TGFBR3: variants seen among roughly 807,000 people sequenced by gnomAD.
TGFBR3 encodes transforming growth factor beta receptor 3.
Under a neutral mutation model 87.9 loss-of-function variants are expected in TGFBR3, and 46 were observed. That is an observed-to-expected ratio of 0.52 (90% CI 0.41 to 0.67). The LOEUF (loss-of-function observed/expected upper bound fraction) is 0.67. Among genes scored for constraint, TGFBR3 ranks in the 30% least tolerant of loss-of-function variants. The probability of loss-of-function intolerance (pLI) is 0.00; values close to 1 mark genes in which losing one functional copy is unlikely to be tolerated. For missense variants in TGFBR3, 866 were observed against 1,041.9 expected, an observed-to-expected ratio of 0.83 and a Z score of 2.32; for synonymous variants, 381 against 391.6, an observed-to-expected ratio of 0.97 and a Z score of 0.32.
At position 91,838,765 on chromosome 1, in the gene TGFBR3, G is replaced by A. The variant is rs550634052; in HGVS notation, c.61+22706C>T. Among the ~76,000 whole-genome samples the A allele has an allele frequency of 2.3e-4, 35 of 152,004 alleles. No individual in the cohort carries two copies. In the East Asian group the frequency reaches 3.3e-3, roughly 14 times the overall value. On this transcript the variant is annotated intron_variant, in intron 2 of 16. Coordinates refer to ENST00000212355, the MANE Select transcript of TGFBR3 (RefSeq NM_003243.5). Reference sequence around the variant, plus strand: ...ATTACAGGCGTGAGCCACCGCGCCCGGCCGCAAATCTCTTTTCTTGTTAAA... The same window carrying A: ...ATTACAGGCGTGAGCCACCGCGCCCAGCCGCAAATCTCTTTTCTTGTTAAA...
chr1:91,733,989 C>T (rs6604051), intron 5 of TGFBR3, among the ~76,000 whole-genome samples: 53,806 of 140,722 alleles, frequency 0.38, 10,454 homozygotes, highest in African/African-American at 0.52. Context: ...GAGCACTGAT[C>T]GCACCACTGC....
At position 91,708,680 on chromosome 1, in the gene TGFBR3, T is replaced by C. The variant is rs755273380; in HGVS notation, c.2270A>G (p.His757Arg). 9.3e-6 allele frequency: 15 copies of C among 1,613,986 alleles called. No homozygotes were observed. In the Admixed American group the frequency reaches 2.2e-4, roughly 23 times the overall value. The change falls in exon 14 of 17, where the codon CAT (histidine) becomes CGT (arginine). Residue 757 changes from histidine (H) to arginine (R), a missense_variant. Coordinates refer to ENST00000212355, the MANE Select transcript of TGFBR3 (RefSeq NM_003243.5). ...TFTKPLAVIH[H>R]EAESKEKGPS... ...AAGCACACCTTTAGATTCTGCTTCA[T>C]GGTGGATCACAGCAAGGGGCTTAGT... is the stretch of plus-strand genomic sequence containing the variant.
chr1:91,755,930 C>T (rs532629073), intron 4 of TGFBR3, among the ~76,000 whole-genome samples: 1 of 152,266 alleles, frequency 6.6e-6, no homozygotes, highest in African/African-American at 2.4e-5. Context: ...GTCCCACATG[C>T]TCTTTACTGT....
intron 4 of TGFBR3, among the ~76,000 whole-genome samples, chr1:91,744,158 C>T (rs1673251625): frequency 6.6e-6 from 1 of 150,480 alleles, no homozygotes; most frequent in Non-Finnish European, 1.5e-5. Flanking sequence ...GATCTCAGCT[C>T]ACTGCAGTCT....
At chr1:91,860,934 CAAAAAAAAAA>C (rs3039477) in intron 2 of TGFBR3, among the ~76,000 whole-genome samples, 6 of 35,636 alleles carry the variant, frequency 1.7e-4, no homozygotes, top group East Asian at 6.3e-4. Flanking sequence ...TCTGTCTCCA[CAAAAAAAAAA>C]AAAAAAAAAA....
At chr1:91,899,614 G>C (rs757154017) in intron 2 of TGFBR3, 1 of 151,136 alleles carries the variant, frequency 6.6e-6, no homozygotes, top group African/African-American at 2.4e-5. Context: ...TCTTGACTTA[G>C]GTGACTTTTC....
At chr1:91,867,659 C>T (rs1467949244) in intron 1 of TGFBR3, among the ~76,000 whole-genome samples, 1 of 152,162 alleles carries the variant, frequency 6.6e-6, no homozygotes, top group Admixed American at 6.5e-5. Flanking sequence ...CTAAGAACCA[C>T]CTTTTCACAT....
intron 4 of TGFBR3, among the ~76,000 whole-genome samples, chr1:91,739,386 A>C (rs1404167070): frequency 2.6e-5 from 4 of 152,212 alleles, no homozygotes; most frequent in African/African-American, 7.2e-5. Context: ...TAATTCTCCC[A>C]AAATAAATGC....
chr1:91,838,142 A>C (rs187081332), intron 2 of TGFBR3, among the ~76,000 whole-genome samples: 2 of 152,328 alleles, frequency 1.3e-5, no homozygotes, highest in Non-Finnish European at 2.9e-5. Flanking sequence ...TATTTGGTCC[A>C]GAAGAAAAGA....
At chr1:91,808,544 C>T (rs544420956) in intron 2 of TGFBR3, among the ~76,000 whole-genome samples, 2 of 152,332 alleles carry the variant, frequency 1.3e-5, no homozygotes, top group Non-Finnish European at 2.9e-5. Flanking sequence ...CAACTCACTG[C>T]AAATTCCGCC....
Position 91,759,662 on chromosome 1 carries a change from C to T in TGFBR3, c.247-912G>A, listed in dbSNP as rs562322107. Among the ~76,000 whole-genome samples, 3 of 152,278 alleles carry T rather than the reference C, an allele frequency of 2.0e-5. No individual in the cohort carries two copies. In the South Asian group the frequency reaches 6.2e-4, roughly 32 times the overall value. ...GTCTGTCTCATACTGGCTTTCCATA[C>T]AGAGCGGGGAGGCAAGACCCAAGAA... On this transcript the variant is annotated intron_variant, in intron 3 of 16. Transcript: ENST00000212355.
intron 3 of TGFBR3, among the ~76,000 whole-genome samples, chr1:91,779,923 C>A (rs1180079769): frequency 1.3e-5 from 2 of 152,172 alleles, no homozygotes; most frequent in Non-Finnish European, 2.9e-5. Flanking sequence ...CAGGAGAGAA[C>A]CTGTTCCCAG....
chr1:91,688,753 C>T (rs1671177087), intron 16 of TGFBR3, among the ~76,000 whole-genome samples: 2 of 152,098 alleles, frequency 1.3e-5, no homozygotes, highest in Admixed American at 1.3e-4. Context: ...CAAGCGCATA[C>T]CCAAAAGTCC....
At chr1:91,820,542 T>C (rs1233384861) in intron 2 of TGFBR3, among the ~76,000 whole-genome samples, 1 of 151,914 alleles carries the variant, frequency 6.6e-6, no homozygotes, top group East Asian at 1.9e-4. Context: ...AAAAATTAGC[T>C]GGGCGGGGTG....
intron 1 of TGFBR3, among the ~76,000 whole-genome samples, chr1:91,900,068 T>TCCC (rs1679658082): frequency 6.6e-6 from 1 of 152,210 alleles, no homozygotes; most frequent in Non-Finnish European, 1.5e-5. Flanking sequence ...TTCTGAAATA[T>TCCC]ACTCCTAGAT....
chr1:91,814,977 C>A (rs1165415539), intron 2 of TGFBR3, among the ~76,000 whole-genome samples: 2 of 152,172 alleles, frequency 1.3e-5, no homozygotes, highest in African/African-American at 4.8e-5. Flanking sequence ...CTGTAAAAAT[C>A]TCTACTATAC....
At chr1:91,780,834 A>G (rs1674736876) in intron 3 of TGFBR3, among the ~76,000 whole-genome samples, 1 of 151,408 alleles carries the variant, frequency 6.6e-6, no homozygotes, top group South Asian at 2.1e-4. Flanking sequence ...CTGGGATTAC[A>G]GGTGTGAGCC....
chr1:91,899,944 T>C (rs921522153), intron 1 of TGFBR3, among the ~76,000 whole-genome samples: 1 of 152,050 alleles, frequency 6.6e-6, no homozygotes, highest in African/African-American at 2.4e-5. Context: ...CTGGGCAGCA[T>C]AGTGAGACCT....
intron 2 of TGFBR3, chr1:91,801,097 A>AGAG: frequency 4.6e-6 from 1 of 218,764 alleles, no homozygotes; most frequent in Non-Finnish European, 9.1e-6. Context: ...AAAAAAAAAA[A>AGAG]AAAGAGAGAG....
Sources: allele counts gnomAD v4.1 joint callset (sites outside exome capture counted in the v4.1 genomes callset), GRCh38; gene constraint gnomAD v4.1.1; transcripts MANE v1.5; gene names NCBI Gene and HGNC (gene_info 2026-07-23, HGNC 2026-07-21).